EHD4: variants seen among roughly 807,000 people sequenced by gnomAD.
EHD4 encodes EH domain containing 4.
Under a neutral mutation model 51.0 loss-of-function variants are expected in EHD4, and 37 were observed. The ratio of observed to expected loss-of-function variants is 0.73; its 90% CI spans 0.56 to 0.95. EHD4 has a LOEUF of 0.95. EHD4 is among the 40% of genes least tolerant of loss of function. The pLI, the probability that EHD4 is intolerant of heterozygous loss-of-function variation, is 0.00. For synonymous variants in EHD4, 297 were observed against 317.3 expected, an observed-to-expected ratio of 0.94 and a Z score of 0.68; for missense variants, 632 against 733.1, an observed-to-expected ratio of 0.86 and a Z score of 1.59.
At chr15:41,920,146 C>G (rs1225252712) in intron 3 of EHD4, among the ~76,000 whole-genome samples, 1 of 152,200 alleles carries the variant, frequency 6.6e-6, no homozygotes, top group Non-Finnish European at 1.5e-5. Context: ...CTGAGGAGGT[C>G]AAAGGTTGGC....
At chr15:41,940,437 G>T (rs549536377) in intron 3 of EHD4, among the ~76,000 whole-genome samples, 53 of 152,324 alleles carry the variant, frequency 3.5e-4, no homozygotes, top group Admixed American at 2.8e-3. Context: ...AGCTGAAGCT[G>T]CTTTACAACA....
chr15:41,915,749 A>G (rs576442528), intron 4 of EHD4, among the ~76,000 whole-genome samples: 2 of 152,322 alleles, frequency 1.3e-5, no homozygotes, highest in South Asian at 4.1e-4. Flanking sequence ...AGCTTCCTTT[A>G]AAGAATCATG....
rs1491135423 is a variant in EHD4, at chr15:41,949,051, T to TATATATATATATATATAC, written c.413+4712_413+4713insGTATATATATATATATAT. Among the ~76,000 whole-genome samples, 192 of 109,234 alleles carry TATATATATATATATATAC rather than the reference T, an allele frequency of 1.8e-3. 1 individual carries two copies. The highest frequency in any genetic ancestry group is 5.6e-3 in the Middle Eastern group (1 of 178). The allele number at this position is 109,234 out of a possible 152,430, so 71.7% of individuals were successfully genotyped here. A position where few individuals can be genotyped will look rare whatever the true frequency, so the allele number is the denominator to read the frequency against. The stretch of plus-strand genomic sequence containing the variant: ...ATATATATATATATATATATATATA[T>TATATATATATATATATAC]ACACACATACACACACACATACATA... On this transcript the variant is annotated intron_variant, in intron 2 of 5. Coordinates refer to ENST00000220325, the MANE Select transcript of EHD4 (RefSeq NM_139265.4).
chr15:41,901,136 G>A lies in EHD4; in HGVS notation c.1135C>T (p.Pro379Ser). The change falls in exon 6 of 6, where the codon CCC becomes TCC. Residue 379 changes from proline to serine, a missense_variant. By Grantham distance (74) the Pro-to-Ser change is moderately conservative. Coordinates refer to ENST00000220325, the MANE Select transcript of EHD4 (RefSeq NM_139265.4). ...TTGTCCACTGCCTCGATCAGCTTGG[G>A]CTTCAGCGAGTGGAATTTGGTGAAG... is the stretch of plus-strand genomic sequence containing the variant. ...YDFTKFHSLK[P>S]KLIEAVDNML... 6.3e-7 allele frequency: 1 copy of A among 1,576,546 alleles called. No homozygotes were observed. The highest frequency in any genetic ancestry group is 8.6e-7 in the Non-Finnish European group (1 of 1,164,876).
At chr15:41,962,283 A>C (rs1288458587) in intron 1 of EHD4, among the ~76,000 whole-genome samples, 1 of 152,224 alleles carries the variant, frequency 6.6e-6, no homozygotes, top group Non-Finnish European at 1.5e-5. Flanking sequence ...AAAGAATGAC[A>C]GAAAATGAGA....
chr15:41,943,682 C>A (rs369799067), intron 2 of EHD4, among the ~76,000 whole-genome samples: 5 of 152,358 alleles, frequency 3.3e-5, no homozygotes, highest in African/African-American at 9.6e-5. Context: ...CTGGGCCTCT[C>A]CCCCTGGGAA....
intron 3 of EHD4, among the ~76,000 whole-genome samples, chr15:41,940,112 C>T (rs1346790257): frequency 6.6e-6 from 1 of 152,172 alleles, no homozygotes; most frequent in African/African-American, 2.4e-5. Flanking sequence ...AGCCACCGCG[C>T]CCAGCCACTC....
In EHD4 at chr15:41,919,552, A is replaced by T. The variant is rs962553408; in HGVS notation, c.582T>A (p.Ala194=). The T allele has an allele frequency of 6.5e-7, 1 of 1,529,086 alleles. No homozygotes were observed. Among genetic ancestry groups the T allele is most frequent in the African/African-American group, 1.4e-5 (1 of 71,932 alleles). The allele number at this position is 1,529,086 out of a possible 1,614,324, so 94.7% of individuals were successfully genotyped here. A position where few individuals can be genotyped will look rare whatever the true frequency, so the allele number is the denominator to read the frequency against. ...RVDRIILLFD[A]HKLDISDEFS... ...ATTCATCTGAGATGTCCAGCTTGTG[A>T]GCGTCAAAGAGCAGGATGATCCTGT... The change falls in exon 4 of 6, where the codon GCT becomes GCA. Residue 194 remains alanine (A), a synonymous_variant. Coordinates refer to ENST00000220325, the MANE Select transcript of EHD4 (RefSeq NM_139265.4).
At chr15:41,962,996 C>T (rs1042664352) in intron 1 of EHD4, among the ~76,000 whole-genome samples, 3 of 152,198 alleles carry the variant, frequency 2.0e-5, no homozygotes, top group Admixed American at 6.5e-5. Context: ...ACTTTACCCC[C>T]AACCCCGTGC....
Position 41,901,008 on chromosome 15 carries a change from G to C in EHD4, c.1263C>G (p.Thr421=). 1 of 1,608,644 alleles carries C rather than the reference G, an allele frequency of 6.2e-7. No homozygotes were observed. The change falls in exon 6 of 6, where the codon ACC becomes ACG. Residue 421 remains threonine, a synonymous_variant. Coordinates refer to ENST00000220325, the MANE Select transcript of EHD4 (RefSeq NM_139265.4). ...CGTAGCCCTGGTTGAAGGGGCCCTC[G>C]GTGGTGCCATCGAAGGCGCCGCCCT... ...LVQGGAFDGT[T]EGPFNQGYGE... is the part of the protein sequence containing the mutation.
chr15:41,947,994 C>T (rs1041918481), intron 2 of EHD4, among the ~76,000 whole-genome samples: 5 of 139,040 alleles, frequency 3.6e-5, no homozygotes, highest in African/African-American at 1.3e-4. Flanking sequence ...CGGTGGCTCA[C>T]GCCTGTAATC....
intron 3 of EHD4, among the ~76,000 whole-genome samples, chr15:41,931,819 GGC>G (rs1287998707): frequency 6.6e-6 from 1 of 151,876 alleles, no homozygotes; most frequent in Non-Finnish European, 1.5e-5. Flanking sequence ...TGGGATTACA[GGC>G]GCACGCCACC....
intron 2 of EHD4, among the ~76,000 whole-genome samples, chr15:41,953,521 T>C (rs28634033): frequency 6.6e-6 from 1 of 152,122 alleles, no homozygotes; most frequent in Non-Finnish European, 1.5e-5. Context: ...CCTGGCCCTG[T>C]GCAGCCTTAT....
At chr15:41,917,049 A>G (rs765802961) in intron 4 of EHD4, among the ~76,000 whole-genome samples, 2 of 152,182 alleles carry the variant, frequency 1.3e-5, no homozygotes, top group African/African-American at 2.4e-5. Context: ...ATGGCAGGGA[A>G]GCTCTACGGG....
At chr15:41,921,175 G>C (rs1017232327) in intron 3 of EHD4, among the ~76,000 whole-genome samples, 11 of 152,132 alleles carry the variant, frequency 7.2e-5, no homozygotes, top group Admixed American at 1.3e-4. Flanking sequence ...CCACTAGCAG[G>C]CCGCTGTCCT....
At chr15:41,914,003 C>T (rs1254563721) in intron 4 of EHD4, among the ~76,000 whole-genome samples, 2 of 152,004 alleles carry the variant, frequency 1.3e-5, no homozygotes, top group Non-Finnish European at 2.9e-5. Flanking sequence ...ATGTAGTTCA[C>T]ACGTACACTC....
chr15:41,908,959 G>A (rs1272213497), intron 5 of EHD4, among the ~76,000 whole-genome samples: 1 of 152,232 alleles, frequency 6.6e-6, no homozygotes, highest in African/African-American at 2.4e-5. Context: ...AGGGCAGAGG[G>A]GTCCTTGCAG....
At chr15:41,944,881 TG>T (rs1003565032) in intron 2 of EHD4, among the ~76,000 whole-genome samples, 1 of 152,160 alleles carries the variant, frequency 6.6e-6, no homozygotes, top group African/African-American at 2.4e-5. Flanking sequence ...TGCAGACACT[TG>T]TGCACAGTCC....
At chr15:41,929,184 C>A (rs565485254) in intron 3 of EHD4, among the ~76,000 whole-genome samples, 2 of 152,346 alleles carry the variant, frequency 1.3e-5, no homozygotes, top group African/African-American at 4.8e-5. Context: ...TGTTTATCCG[C>A]TCTCTGCTCT....
Sources: allele counts gnomAD v4.1 joint callset (sites outside exome capture counted in the v4.1 genomes callset), GRCh38; gene constraint gnomAD v4.1.1; transcripts MANE v1.5; gene names NCBI Gene and HGNC (gene_info 2026-07-23, HGNC 2026-07-21).